Variants in CSMD1 observed in about 807,000 individuals in gnomAD.
CSMD1 encodes CUB and sushi domain-containing protein 1.
In CSMD1, 213 loss-of-function variants were observed where a neutral mutation model predicts 417.5. The observed-to-expected ratio is 0.51, with a 90% confidence interval of 0.46 to 0.57. The LOEUF is 0.57. CSMD1 is among the 20% of genes least tolerant of loss of function. The probability of loss-of-function intolerance (pLI) is 0.00; values close to 1 mark genes in which losing one functional copy is unlikely to be tolerated. For synonymous variants in CSMD1, 2,862 were observed against 1,736.8 expected (o/e 1.65, Z -16.11); for missense variants, 6,923 against 4,529.7 (o/e 1.53, Z -15.17).
chr8:4,820,889 G>C (rs1475250869), intron 1 of CSMD1, among the ~76,000 whole-genome samples: 1 of 152,206 alleles, frequency 6.6e-6, no homozygotes, highest in African/African-American at 2.4e-5. Flanking sequence ...GAGGTGATTT[G>C]AGATTTTTCT....
chr8:4,698,800 A>G (rs1317435419), intron 1 of CSMD1, among the ~76,000 whole-genome samples: 3 of 151,854 alleles, frequency 2.0e-5, no homozygotes, highest in Non-Finnish European at 2.9e-5. Context: ...CTTGCTTCTT[A>G]TAACCTGAGA....
intron 7 of CSMD1, among the ~76,000 whole-genome samples, chr8:3,628,785 T>A (rs554297669): frequency 6.6e-6 from 1 of 152,178 alleles, no homozygotes; most frequent in Non-Finnish European, 1.5e-5. Flanking sequence ...TATTAGTGGC[T>A]TCCTAGTTTT....
At position 3,919,498 on chromosome 8, in the gene CSMD1, T is replaced by A. The variant is rs140994566; in HGVS notation, c.818+78405A>T. 9.1e-4 allele frequency among the ~76,000 whole-genome samples: 138 copies of A among 152,310 alleles called. 3 individuals are homozygous for A. The East Asian group carries it at 0.022, about 25-fold the overall frequency. ...ATTCTGTATTATTGGTCTATGTGTC[T>A]GTTTTTATTACAGTATCATACTGCT... On this transcript the variant is annotated intron_variant, in intron 5 of 69. Transcript: ENST00000635120.
At chr8:4,444,666 G>A (rs1015905697) in intron 2 of CSMD1, among the ~76,000 whole-genome samples, 1 of 152,136 alleles carries the variant, frequency 6.6e-6, no homozygotes, top group Non-Finnish European at 1.5e-5. Flanking sequence ...TTGTAATTGT[G>A]ATGACATGTT....
chr8:4,378,871 C>T (rs909437730), intron 3 of CSMD1, among the ~76,000 whole-genome samples: 3 of 152,096 alleles, frequency 2.0e-5, no homozygotes, highest in Non-Finnish European at 2.9e-5. Context: ...GAGAGTCAGC[C>T]CTTTCTCTAG....
At chr8:4,278,189 A>G (rs774531242) in intron 3 of CSMD1, among the ~76,000 whole-genome samples, 10 of 152,222 alleles carry the variant, frequency 6.6e-5, no homozygotes, top group Non-Finnish European at 1.3e-4. Context: ...CAATTTATAT[A>G]TAATTCCAGT....
chr8:3,336,999 C>A (rs904012090), intron 23 of CSMD1, among the ~76,000 whole-genome samples: 1 of 152,156 alleles, frequency 6.6e-6, no homozygotes, highest in African/African-American at 2.4e-5. Context: ...TAGACAGGAG[C>A]TGTGCCTGAG....
At chr8:4,191,903 A>C (rs1799055123) in intron 3 of CSMD1, among the ~76,000 whole-genome samples, 1 of 152,190 alleles carries the variant, frequency 6.6e-6, no homozygotes, top group African/African-American at 2.4e-5. Flanking sequence ...AAAGATGAGG[A>C]AAGAAAGTGA....
chr8:3,502,897 A>G (rs954362087), intron 10 of CSMD1, among the ~76,000 whole-genome samples: 1 of 152,158 alleles, frequency 6.6e-6, no homozygotes, highest in Non-Finnish European at 1.5e-5. Flanking sequence ...TCATGCATGA[A>G]CAGCATGAAT....
At chr8:3,604,285 A>C (rs1210626468) in intron 8 of CSMD1, among the ~76,000 whole-genome samples, 2 of 151,900 alleles carry the variant, frequency 1.3e-5, no homozygotes, top group Admixed American at 6.6e-5. Context: ...CAAAGGCCAG[A>C]GGGAGGGAGG....
chr8:3,420,922 G>T (rs1356103961), intron 12 of CSMD1, among the ~76,000 whole-genome samples: 2 of 151,968 alleles, frequency 1.3e-5, no homozygotes. Flanking sequence ...TCTTGGTCCA[G>T]TTATCTAATA....
intron 2 of CSMD1, among the ~76,000 whole-genome samples, chr8:4,438,956 G>A (rs1154059): frequency 0.74 from 112,069 of 152,130 alleles, 41,625 homozygotes; most frequent in Middle Eastern, 0.84. Flanking sequence ...ATGAATTAAT[G>A]TGAAGTCATG....
At chr8:4,160,360 A>G (rs1002398693) in intron 3 of CSMD1, among the ~76,000 whole-genome samples, 1 of 152,228 alleles carries the variant, frequency 6.6e-6, no homozygotes, top group African/African-American at 2.4e-5. Context: ...TAAAGTAATG[A>G]AGCCAACTTT....
chr8:3,922,360 A>G (rs1245032737), intron 5 of CSMD1, among the ~76,000 whole-genome samples: 1 of 152,124 alleles, frequency 6.6e-6, no homozygotes, highest in Non-Finnish European at 1.5e-5. Context: ...AAAAAAATTA[A>G]GTAACTTACA....
chr8:4,938,667 C>G (rs770370336), intron 1 of CSMD1, among the ~76,000 whole-genome samples: 6 of 152,098 alleles, frequency 3.9e-5, no homozygotes, highest in African/African-American at 1.4e-4. Context: ...ACTCCAGGAT[C>G]AAGCCTCATG....
At chr8:3,565,131 C>CAAAAAAAAACAAAAAAA (rs1799643357) in intron 10 of CSMD1, among the ~76,000 whole-genome samples, 1 of 10,448 alleles carries the variant, frequency 9.6e-5, no homozygotes, top group African/African-American at 2.7e-4. Context: ...TGCAAGACAG[C>CAAAAAAAAACAAAAAAA]AAAAAAAAAA....
chr8:4,312,750 T>G (rs1406261189), intron 3 of CSMD1, among the ~76,000 whole-genome samples: 2 of 152,058 alleles, frequency 1.3e-5, no homozygotes, highest in African/African-American at 2.4e-5. Flanking sequence ...GGCAGATACC[T>G]GTAATCCCAG....
rs528246711 is a variant in CSMD1, at chr8:3,159,963, T to G, written c.5845-1997A>C. Among the ~76,000 whole-genome samples, 52 of 152,158 alleles carry G rather than the reference T, an allele frequency of 3.4e-4. No individual in the cohort carries two copies. The South Asian group carries it at 9.5e-3, about 28-fold the overall frequency. On this transcript the variant is annotated intron_variant, in intron 38 of 69. Coordinates refer to ENST00000635120, the MANE Select transcript of CSMD1 (RefSeq NM_033225.6). ...AGGAACATCGATGAGCAAGAGCAAA[T>G]ATTACAGTTTGGGAATTTGAGGGAG...
At chr8:4,319,823 G>C (rs777652044) in intron 3 of CSMD1, among the ~76,000 whole-genome samples, 20 of 152,198 alleles carry the variant, frequency 1.3e-4, no homozygotes, top group African/African-American at 4.6e-4. Flanking sequence ...GAGGACCCTC[G>C]GGGTCTTCAG....
Sources: gnomAD v4.1 joint callset for allele counts (sites outside exome capture counted in the v4.1 genomes callset) on GRCh38, gnomAD v4.1.1 for gene constraint, MANE v1.5 for transcripts, NCBI Gene and HGNC (gene_info 2026-07-23, HGNC 2026-07-21) for gene names.